PHF20: variants seen among roughly 807,000 people sequenced by gnomAD.
PHF20 encodes PHD finger protein 20, also known as glioma-expressed antigen 2.
Under a neutral mutation model 113.5 loss-of-function variants are expected in PHF20, and 23 were observed. That is an observed-to-expected ratio of 0.20 (90% confidence interval 0.15 to 0.29). PHF20 has a LOEUF of 0.29. Ranked by LOEUF, PHF20 falls within the 10% of genes least tolerant of loss-of-function variation. The probability of loss-of-function intolerance (pLI) is 1.00; values close to 1 mark genes in which losing one functional copy is unlikely to be tolerated. For missense variants in PHF20, 943 were observed against 1,219.6 expected (o/e 0.77, Z 3.38); for synonymous variants, 434 against 457.3 (o/e 0.95, Z 0.65).
chr20:35,801,359 A>G, intron 1 of PHF20, 132 bp from the exon 2 acceptor site: 1 of 549,830 alleles, frequency 1.8e-6, no homozygotes, highest in African/African-American at 1.9e-5. Flanking sequence ...CCTGTGTTAG[A>G]ATGAGGACAC....
chr20:35,852,590 A>T (rs2042752553), intron 4 of PHF20, among the ~76,000 whole-genome samples: 1 of 151,424 alleles, frequency 6.6e-6, no homozygotes, highest in Admixed American at 6.6e-5. Flanking sequence ...AAGCCTAAGG[A>T]CTTCAAGAAA....
At chr20:35,794,273 C>T (rs2041623157) in intron 1 of PHF20, among the ~76,000 whole-genome samples, 2 of 147,468 alleles carry the variant, frequency 1.4e-5, no homozygotes, top group African/African-American at 5.1e-5. Flanking sequence ...GCACTCCAGC[C>T]TGGGCAACAA....
At chr20:35,831,362 C>T (rs1368984544) in intron 2 of PHF20, among the ~76,000 whole-genome samples, 1 of 152,098 alleles carries the variant, frequency 6.6e-6, no homozygotes, top group Admixed American at 6.6e-5. Context: ...CAGATGGGGT[C>T]TCCCTATGTT....
At chr20:35,893,655 C>T (rs2054920437) in intron 9 of PHF20, among the ~76,000 whole-genome samples, 1 of 151,748 alleles carries the variant, frequency 6.6e-6, no homozygotes, top group Non-Finnish European at 1.5e-5. Context: ...GCTCTTGTTG[C>T]CCAGGCTGCA....
chr20:35,838,591 C>G (rs2042483283), intron 2 of PHF20: 1 of 152,126 alleles, frequency 6.6e-6, no homozygotes, highest in Admixed American at 6.6e-5. Context: ...ATACATAGAG[C>G]TGCCTTATTC....
chr20:35,939,243 G>C, intron 16 of PHF20, 135 bp downstream of exon 16: 1 of 1,106,152 alleles, frequency 9.0e-7, no homozygotes, highest in Non-Finnish European at 1.2e-6. Context: ...ATATGTTTTG[G>C]TTTGCCAAAA....
intron 10 of PHF20, among the ~76,000 whole-genome samples, chr20:35,900,216 T>C (rs2055069139): frequency 6.6e-6 from 1 of 152,228 alleles, no homozygotes; most frequent in Non-Finnish European, 1.5e-5. Context: ...TTCTAAAGCT[T>C]ACAGAAATTG....
chr20:35,832,273 C>T (rs2042368875), intron 2 of PHF20, among the ~76,000 whole-genome samples: 1 of 152,196 alleles, frequency 6.6e-6, no homozygotes, highest in African/African-American at 2.4e-5. Flanking sequence ...TCCCTCTCCC[C>T]TTTTGCACCT....
At chr20:35,851,807 C>T (rs1280061999) in intron 4 of PHF20, among the ~76,000 whole-genome samples, 5 of 151,474 alleles carry the variant, frequency 3.3e-5, no homozygotes, top group Admixed American at 6.6e-5. Flanking sequence ...CCCAGCTACT[C>T]GGGAGGCTGA....
chr20:35,801,535 C>G lies in PHF20; in HGVS notation c.13C>G (p.Pro5Ala). Residue 5 changes from proline (P) to alanine (A), a missense_variant, in exon 2 of 18, where the codon CCA (proline) becomes GCA (alanine). By Grantham distance (27) the Pro-to-Ala change is conservative (BLOSUM62 -1). Coordinates refer to ENST00000374012, the MANE Select transcript of PHF20 (RefSeq NM_016436.5). ...TTGATGACTGAAAATGACAAAGCATCCACCTAACAGACGAGGAATCAGCTT... is the reference window on the plus strand; with the variant it reads ...TTGATGACTGAAAATGACAAAGCATGCACCTAACAGACGAGGAATCAGCTT... Reference protein sequence around the residue: MTKHPPNRRGISFEV... With the variant: MTKHAPNRRGISFEV... 9 of 1,613,166 alleles carry G rather than the reference C, an allele frequency of 5.6e-6. No individual in the cohort carries two copies. Among genetic ancestry groups the G allele is most frequent in the Non-Finnish European group, 7.6e-6 (9 of 1,179,228 alleles).
chr20:35,889,005 G>GTTTC (rs1555797792), intron 9 of PHF20, among the ~76,000 whole-genome samples: 1 of 119,048 alleles, frequency 8.4e-6, no homozygotes, highest in Non-Finnish European at 1.7e-5. Context: ...GGCCCTCTTA[G>GTTTC]TTTCTTTTTT....
At chr20:35,893,390 G>A (rs1600891171) in intron 9 of PHF20, among the ~76,000 whole-genome samples, 1 of 150,770 alleles carries the variant, frequency 6.6e-6, no homozygotes, top group Non-Finnish European at 1.5e-5. Context: ...TGCAACCTCC[G>A]CCACCTGGGT....
intron 1 of PHF20, among the ~76,000 whole-genome samples, chr20:35,798,824 C>T (rs1473751919): frequency 6.6e-6 from 1 of 151,690 alleles, no homozygotes; most frequent in Non-Finnish European, 1.5e-5. Flanking sequence ...TACAGTGGCA[C>T]AATCATAACT....
At chr20:35,813,051 C>T (rs1810211245) in intron 2 of PHF20, among the ~76,000 whole-genome samples, 1 of 152,206 alleles carries the variant, frequency 6.6e-6, no homozygotes, top group African/African-American at 2.4e-5. Context: ...TCACTGCAAG[C>T]TCTGCCTCTC....
intron 2 of PHF20, among the ~76,000 whole-genome samples, chr20:35,832,772 A>G (rs1568625913): frequency 6.6e-6 from 1 of 152,186 alleles, no homozygotes; most frequent in Non-Finnish European, 1.5e-5. Flanking sequence ...GGTTCTGGCC[A>G]GATGTGGTGG....
chr20:35,851,932 G>C (rs965384380), intron 4 of PHF20, among the ~76,000 whole-genome samples: 5 of 151,070 alleles, frequency 3.3e-5, no homozygotes, highest in African/African-American at 9.7e-5. Context: ...AAAAAAAAAA[G>C]ATGTCAATGT....
chr20:35,790,033 G>A (rs6058323), intron 1 of PHF20, among the ~76,000 whole-genome samples: 5 of 150,890 alleles, frequency 3.3e-5, no homozygotes, highest in African/African-American at 1.2e-4. Context: ...TTTTTTTTGT[G>A]TTTAGTAGAG....
chr20:35,942,546 C>A (rs556994600), intron 17 of PHF20, among the ~76,000 whole-genome samples: 1 of 152,146 alleles, frequency 6.6e-6, no homozygotes, highest in Non-Finnish European at 1.5e-5. Context: ...CCTCTCTAGC[C>A]CTGCCGAATG....
intron 2 of PHF20, among the ~76,000 whole-genome samples, chr20:35,804,840 A>G (rs892934708): frequency 2.0e-5 from 3 of 152,026 alleles, no homozygotes; most frequent in African/African-American, 7.2e-5. Context: ...TGTATTTTAA[A>G]TCCAGTGTGG....
Sources: allele counts gnomAD v4.1 joint callset (sites outside exome capture counted in the v4.1 genomes callset), GRCh38; gene constraint gnomAD v4.1.1; transcripts MANE v1.5; gene names NCBI Gene and HGNC (gene_info 2026-07-23, HGNC 2026-07-21).